The following LRMDA variants were observed in gnomAD, a reference collection of about 807,000 sequenced individuals.
The protein encoded by LRMDA is leucine-rich melanocyte differentiation-associated protein.
LRMDA carries 18 observed loss-of-function variants against 29.8 expected under a neutral mutation model. That is an observed-to-expected ratio of 0.60 (90% CI 0.42 to 0.90). LRMDA has a LOEUF of 0.90. LRMDA is among the 40% of genes least tolerant of loss of function. LRMDA has a pLI of 0.00. For synonymous variants in LRMDA, 125 were observed against 109.4 expected (o/e 1.14, Z -0.89); for missense variants, 273 against 273.9 (o/e 1.00, Z 0.02).
chr10:75,969,759 C>T (rs1050388292), intron 2 of LRMDA, among the ~76,000 whole-genome samples: 4 of 152,100 alleles, frequency 2.6e-5, no homozygotes, highest in Non-Finnish European at 5.9e-5. Context: ...GGAAACTCAC[C>T]ACCATCAGTG....
At chr10:76,015,539 GT>G (rs1453481839) in intron 2 of LRMDA, among the ~76,000 whole-genome samples, 1 of 152,188 alleles carries the variant, frequency 6.6e-6, no homozygotes, top group African/African-American at 2.4e-5. Context: ...AGAAGTCAGT[GT>G]TTTTGTAATC....
chr10:76,140,789 A>G (rs1283451367), intron 5 of LRMDA, among the ~76,000 whole-genome samples: 1 of 152,108 alleles, frequency 6.6e-6, no homozygotes, highest in Non-Finnish European at 1.5e-5. Context: ...TTAGCCAGAA[A>G]AGATTAAACT....
chr10:75,720,161 T>C (rs1410959045), intron 2 of LRMDA, among the ~76,000 whole-genome samples: 1 of 152,174 alleles, frequency 6.6e-6, no homozygotes, highest in Non-Finnish European at 1.5e-5. Flanking sequence ...TCTTACATAA[T>C]CCAAAATTTG....
chr10:76,533,492 A>G (rs1278788338), intron 6 of LRMDA, among the ~76,000 whole-genome samples: 1 of 152,158 alleles, frequency 6.6e-6, no homozygotes, highest in African/African-American at 2.4e-5. Flanking sequence ...TTACACACCC[A>G]TGCTGGCCTC....
At chr10:76,444,134 C>T (rs1040545692) in intron 6 of LRMDA, among the ~76,000 whole-genome samples, 1 of 152,174 alleles carries the variant, frequency 6.6e-6, no homozygotes, top group Non-Finnish European at 1.5e-5. Flanking sequence ...TGCCTTTCCT[C>T]TGAGAAAATA....
At chr10:75,689,546 T>C (rs1348728776) in intron 2 of LRMDA, among the ~76,000 whole-genome samples, 1 of 152,162 alleles carries the variant, frequency 6.6e-6, no homozygotes, top group Non-Finnish European at 1.5e-5. Context: ...TCATCGGATG[T>C]GAGTTATCTC....
chr10:76,110,733 C>T (rs1253934081), intron 5 of LRMDA, among the ~76,000 whole-genome samples: 3 of 152,164 alleles, frequency 2.0e-5, no homozygotes, highest in East Asian at 1.9e-4. Flanking sequence ...AAGAAGTGCC[C>T]TTTGCCTCCC....
chr10:76,025,490 C>T (rs561385603), intron 2 of LRMDA, among the ~76,000 whole-genome samples: 20 of 151,854 alleles, frequency 1.3e-4, no homozygotes, highest in Non-Finnish European at 2.5e-4. Flanking sequence ...TATTCCAAGC[C>T]CAGCGTCTCT....
intron 6 of LRMDA, among the ~76,000 whole-genome samples, chr10:76,454,455 C>G (rs970786219): frequency 1.3e-5 from 2 of 152,028 alleles, no homozygotes; most frequent in Non-Finnish European, 2.9e-5. Context: ...ACTTGGCTAT[C>G]CTAAAACGAG....
chr10:75,943,475 C>T (rs1391654841), intron 2 of LRMDA, among the ~76,000 whole-genome samples: 2 of 152,180 alleles, frequency 1.3e-5, no homozygotes, highest in African/African-American at 4.8e-5. Flanking sequence ...AAAACTCATG[C>T]TCTTAACTGC....
intron 2 of LRMDA, among the ~76,000 whole-genome samples, chr10:75,852,524 A>AAAC (rs199611720): frequency 2.5e-5 from 3 of 121,944 alleles, no homozygotes; most frequent in African/African-American, 5.3e-5. Flanking sequence ...AAAAAAAGCA[A>AAAC]AACAACAACA....
chr10:75,774,004 AT>A (rs1253007328), intron 2 of LRMDA, among the ~76,000 whole-genome samples: 1 of 152,234 alleles, frequency 6.6e-6, no homozygotes, highest in African/African-American at 2.4e-5. Context: ...ACAGCATAGT[AT>A]GAGTACATGG....
chr10:76,468,572 A>G (rs1037425057), intron 6 of LRMDA, among the ~76,000 whole-genome samples: 4 of 152,096 alleles, frequency 2.6e-5, no homozygotes, highest in African/African-American at 9.7e-5. Flanking sequence ...CAAAGAAAAC[A>G]TTTTTTTCAC....
At chr10:75,597,067 G>T (rs544011051) in intron 2 of LRMDA, among the ~76,000 whole-genome samples, 4 of 148,116 alleles carry the variant, frequency 2.7e-5, no homozygotes, top group African/African-American at 1.0e-4. Flanking sequence ...TTTGAGTCCC[G>T]TGTTCCTTAT....
intron 6 of LRMDA, among the ~76,000 whole-genome samples, chr10:76,332,065 T>TCATCTCCTTGCTACTTTG (rs1840910729): frequency 6.6e-6 from 1 of 152,256 alleles, no homozygotes; most frequent in Admixed American, 6.5e-5. Flanking sequence ...GTCATCAAAT[T>TCATCTCCTTGCTACTTTG]CATCTCCTTG....
chr10:75,561,191 G>A lies in LRMDA; in HGVS notation c.131+122697G>A, dbSNP rs1470272337. Among the ~76,000 whole-genome samples, 18 of 151,588 alleles carry A rather than the reference G, an allele frequency of 1.2e-4. No individual in the cohort carries two copies. The East Asian group carries it at 3.3e-3, about 28-fold the overall frequency. On this transcript the variant is annotated intron_variant, in intron 2 of 6. Transcript: ENST00000611255. ...GACTCTTTTTGGTTGGTAAGCTATT[G>A]ATTATTGCCTCAATTTCAGAGCCTG...
intron 6 of LRMDA, among the ~76,000 whole-genome samples, chr10:76,526,580 C>T (rs1843176629): frequency 6.6e-6 from 1 of 151,982 alleles, no homozygotes; most frequent in Admixed American, 6.6e-5. Context: ...TAGAGGAAGG[C>T]AGGATAAAAG....
At chr10:76,002,512 G>C (rs965895711) in intron 2 of LRMDA, among the ~76,000 whole-genome samples, 7 of 152,198 alleles carry the variant, frequency 4.6e-5, no homozygotes, top group Admixed American at 1.3e-4. Context: ...TCTGTAAAAT[G>C]GGGATGGTAA....
chr10:75,433,363 A>T (rs141449453), intron 1 of LRMDA, among the ~76,000 whole-genome samples: 101 of 152,258 alleles, frequency 6.6e-4, no homozygotes, highest in African/African-American at 2.4e-3. Context: ...AAACAGCCCA[A>T]GGGCATTCAT....
Sources: allele counts gnomAD v4.1 joint callset (sites outside exome capture counted in the v4.1 genomes callset), GRCh38; gene constraint gnomAD v4.1.1; transcripts MANE v1.5; gene names NCBI Gene and HGNC (gene_info 2026-07-23, HGNC 2026-07-21).